STAG2: variants seen among roughly 807,000 people sequenced by gnomAD.
The protein encoded by STAG2 is STAG2 cohesin complex component.
STAG2 carries 14 observed loss-of-function variants against 108.1 expected under a neutral mutation model. That is an observed-to-expected ratio of 0.13 (90% CI 0.09 to 0.20). The LOEUF (loss-of-function observed/expected upper bound fraction) is 0.20. Ranked by LOEUF, STAG2 falls within the 10% of genes least tolerant of loss-of-function variation. STAG2 has a pLI of 1.00. For missense variants in STAG2, 440 were observed against 940.9 expected (o/e 0.47, Z 6.96); for synonymous variants, 307 against 302.7 (o/e 1.01, Z -0.15).
chrX:124,040,785 G>A lies in STAG2; in HGVS notation c.386-1784G>A, dbSNP rs748075425. On this transcript the variant is annotated intron_variant, in intron 6 of 34. Transcript: ENST00000371145. ...ATGGGAAGATTTTGAAGAGAGATAC[G>A]TGATTCTAGATTAAAAACAAAAGCC... 1.7e-4 allele frequency among the ~76,000 whole-genome samples: 18 copies of A among 107,689 alleles called. No individual in the cohort carries two copies. The South Asian group carries it at 4.1e-3, about 24-fold the overall frequency. 93.5% of individuals were successfully genotyped at this position (107,689 alleles called of 115,157 possible).
intron 1 of STAG2, among the ~76,000 whole-genome samples, chrX:124,016,870 G>C (rs941949206): frequency 1.8e-5 from 2 of 110,912 alleles, no homozygotes; most frequent in Admixed American, 9.7e-5. Flanking sequence ...TGGACATTTT[G>C]GTAATTCCTA....
At chrX:123,962,802 A>C (rs774189901) in intron 1 of STAG2, among the ~76,000 whole-genome samples, 1 of 111,318 alleles carries the variant, frequency 9.0e-6, no homozygotes, top group African/African-American at 3.3e-5. Context: ...TTCTCCCACC[A>C]TAAAGCCCCA....
intron 1 of STAG2, among the ~76,000 whole-genome samples, chrX:123,994,873 T>A (rs1165468650): frequency 8.9e-6 from 1 of 112,107 alleles, no homozygotes; most frequent in Non-Finnish European, 1.9e-5. Flanking sequence ...TGATTAGTAT[T>A]TAGGGGAAGT....
At chrX:124,087,868 A>C (rs1360992156) in intron 30 of STAG2, among the ~76,000 whole-genome samples, 1 of 112,074 alleles carries the variant, frequency 8.9e-6, no homozygotes, top group Non-Finnish European at 1.9e-5. Context: ...TTGTCCTATG[A>C]ATTTTAGTAT....
At chrX:123,974,577 CTT>C (rs778065126) in intron 1 of STAG2, among the ~76,000 whole-genome samples, 6 of 85,200 alleles carry the variant, frequency 7.0e-5, no homozygotes, top group Admixed American at 1.3e-4. Context: ...TTGATACCTT[CTT>C]TTTTTTTTTT....
chrX:124,061,068 C>G (rs1287176266), intron 15 of STAG2, among the ~76,000 whole-genome samples, 156 bp from the exon 16 acceptor site: 1 of 110,741 alleles, frequency 9.0e-6, no homozygotes, highest in African/African-American at 3.3e-5. Context: ...AGCAAGCAAA[C>G]TAAGGCAGTT....
chrX:124,094,320 G>A (rs1367681351), intron 33 of STAG2, among the ~76,000 whole-genome samples, 176 bp downstream of exon 33: 2 of 111,530 alleles, frequency 1.8e-5, no homozygotes, highest in Admixed American at 1.9e-4. Flanking sequence ...TAAGGTTGGT[G>A]AAGGTGGTAG....
At chrX:124,016,107 T>C (rs1381840768) in intron 1 of STAG2, among the ~76,000 whole-genome samples, 2 of 111,851 alleles carry the variant, frequency 1.8e-5, no homozygotes, top group African/African-American at 6.5e-5. Context: ...AGCAGCATAG[T>C]TTTGTAATTC....
At chrX:124,032,893 A>G (rs1455434539) in intron 5 of STAG2, among the ~76,000 whole-genome samples, 1 of 112,517 alleles carries the variant, frequency 8.9e-6, no homozygotes, top group Non-Finnish European at 1.9e-5. Context: ...AACTGACACA[A>G]ATACCTTGTT....
At chrX:124,000,936 A>G (rs752508253) in intron 1 of STAG2, among the ~76,000 whole-genome samples, 18 of 111,999 alleles carry the variant, frequency 1.6e-4, no homozygotes, top group Non-Finnish European at 3.0e-4. Flanking sequence ...TTTTAAAAAT[A>G]GAAAACTTAC....
chrX:123,988,474 T>C (rs187968636), intron 1 of STAG2, among the ~76,000 whole-genome samples: 4 of 111,138 alleles, frequency 3.6e-5, no homozygotes, highest in Non-Finnish European at 7.6e-5. Context: ...GCCCGAGATA[T>C]ATGTTCCATT....
intron 5 of STAG2, among the ~76,000 whole-genome samples, 163 bp from the exon 6 acceptor site, chrX:124,037,364 A>T (rs1170112588): frequency 1.2e-4 from 14 of 112,116 alleles, no homozygotes; most frequent in Non-Finnish European, 2.1e-4. Flanking sequence ...ATTCGATTCT[A>T]TTTTATTATT....
At chrX:123,990,872 G>T (rs1027095722) in intron 1 of STAG2, among the ~76,000 whole-genome samples, 4 of 111,580 alleles carry the variant, frequency 3.6e-5, no homozygotes, top group African/African-American at 1.3e-4. Flanking sequence ...TCTTTGCTTG[G>T]GCTGTTTCTA....
At chrX:123,982,495 G>A (rs1052196393) in intron 1 of STAG2, among the ~76,000 whole-genome samples, 2 of 111,321 alleles carry the variant, frequency 1.8e-5, no homozygotes, top group Non-Finnish European at 3.8e-5. Context: ...GGGTTCAAGC[G>A]ATTCTTGTGT....
chrX:124,056,206 A>G lies in STAG2; in HGVS notation c.1275A>G (p.Ala425=). ...TTTATTCAGCTCACCGGCCAGTAGC[A>G]GTAGCAGCTGGAGAATTTCTCTACA... ...HLVYSAHRPV[A]VAAGEFLYKK... Residue 425 remains alanine (A), a synonymous_variant, in exon 14 of 35, where the codon GCA becomes GCG. Coordinates refer to ENST00000371145, the MANE Select transcript of STAG2 (RefSeq NM_001042750.2). The G allele has an allele frequency of 8.3e-7, 1 of 1,207,455 alleles. No homozygotes were observed. Among genetic ancestry groups the G allele is most frequent in the East Asian group, 3.0e-5 (1 of 33,764 alleles).
chrX:124,022,855 TTTG>T (rs1235876419), intron 3 of STAG2, among the ~76,000 whole-genome samples, 184 bp downstream of exon 3: 5 of 112,405 alleles, frequency 4.4e-5, no homozygotes, highest in African/African-American at 6.5e-5. Flanking sequence ...TCTGTACTTT[TTTG>T]TTGTTGTGTT....
chrX:123,967,796 G>T (rs1381013278), intron 1 of STAG2, among the ~76,000 whole-genome samples: 1 of 110,935 alleles, frequency 9.0e-6, no homozygotes, highest in Non-Finnish European at 1.9e-5. Context: ...TAATACAGTG[G>T]TAAGTATTTG....
chrX:124,029,987 A>G (rs1220486169), intron 4 of STAG2, among the ~76,000 whole-genome samples: 1 of 110,058 alleles, frequency 9.1e-6, no homozygotes, highest in Non-Finnish European at 1.9e-5. Flanking sequence ...ACCAATACTG[A>G]CAACTTTTGT....
chrX:123,978,334 T>C (rs1341502915), intron 1 of STAG2, among the ~76,000 whole-genome samples: 1 of 108,762 alleles, frequency 9.2e-6, no homozygotes, highest in East Asian at 2.9e-4. Context: ...GGCCCCATTG[T>C]GTGTTGTTTC....
Sources: gnomAD v4.1 joint callset for allele counts (sites outside exome capture counted in the v4.1 genomes callset) on GRCh38, gnomAD v4.1.1 for gene constraint, MANE v1.5 for transcripts, NCBI Gene and HGNC (gene_info 2026-07-23, HGNC 2026-07-21) for gene names.